The following PPFIA1 variants were observed in gnomAD, a reference collection of about 807,000 sequenced individuals.
PPFIA1 encodes PPFI scaffold protein A1.
PPFIA1 carries 25 observed loss-of-function variants against 149.9 expected under a neutral mutation model. The ratio of observed to expected loss-of-function variants is 0.17; its 90% confidence interval spans 0.12 to 0.23. The LOEUF (loss-of-function observed/expected upper bound fraction) is 0.23, where lower values mean the gene tolerates loss of function less well. Among genes scored for constraint, PPFIA1 ranks in the 10% least tolerant of loss-of-function variants. The probability of loss-of-function intolerance (pLI) is 1.00; values close to 1 mark genes in which losing one functional copy is unlikely to be tolerated. For missense variants in PPFIA1, 1,362 were observed against 1,506.5 expected, an observed-to-expected ratio of 0.90 and a Z score of 1.59; for synonymous variants, 549 against 552.8, an observed-to-expected ratio of 0.99 and a Z score of 0.10.
rs2057772611 is a variant in PPFIA1 at position 70,383,179 on chromosome 11, A to G, written c.*189A>G. On this transcript the variant is annotated 3_prime_UTR_variant, in exon 28 of 28. Coordinates refer to ENST00000253925, the MANE Select transcript of PPFIA1 (RefSeq NM_003626.5). ...ATGAATACCATAGAGAAAATATTTTAGAATTTAATGTTTCTTATATTTATG... is the reference window on the plus strand; with the variant it reads ...ATGAATACCATAGAGAAAATATTTTGGAATTTAATGTTTCTTATATTTATG... 5.9e-6 allele frequency: 2 copies of G among 340,226 alleles called. No homozygotes were observed. The highest frequency in any genetic ancestry group is 2.3e-5 in the African/African-American group (1 of 43,234). The allele number at this position is 340,226 out of a possible 1,614,324, so 21.1% of individuals were successfully genotyped here.
At chr11:70,351,507 T>C (rs2056054098) in intron 16 of PPFIA1, among the ~76,000 whole-genome samples, 1 of 152,160 alleles carries the variant, frequency 6.6e-6, no homozygotes, top group Non-Finnish European at 1.5e-5. Flanking sequence ...TTGTTTAAAT[T>C]TTGAAATATT....
chr11:70,372,391 G>A lies in PPFIA1; in HGVS notation c.3041+1G>A. The A allele has an allele frequency of 6.2e-7, 1 of 1,614,062 alleles. No homozygotes were observed. The highest frequency in any genetic ancestry group is 8.5e-7 in the Non-Finnish European group (1 of 1,179,962). ...TGAAAATGGTCGACAGTTTTCACAGGTAACTTAATGGAGATAGTTCTTAAT... is the reference window on the plus strand; with the variant it reads ...TGAAAATGGTCGACAGTTTTCACAGATAACTTAATGGAGATAGTTCTTAAT... On this transcript the variant is annotated splice_donor_variant, in intron 22 of 27. Coordinates refer to ENST00000253925, the MANE Select transcript of PPFIA1 (RefSeq NM_003626.5). LOFTEE classifies it high-confidence loss of function.
intron 21 of PPFIA1, among the ~76,000 whole-genome samples, chr11:70,368,529 G>A (rs2057070168): frequency 1.3e-5 from 2 of 152,102 alleles, no homozygotes; most frequent in Non-Finnish European, 2.9e-5. Context: ...ACCTTCCTTC[G>A]ATATGTGTGT....
At chr11:70,298,634 C>T (rs957341110) in intron 2 of PPFIA1, among the ~76,000 whole-genome samples, 2 of 152,224 alleles carry the variant, frequency 1.3e-5, no homozygotes, top group South Asian at 4.1e-4. Flanking sequence ...CCAGGCTGAT[C>T]TGTCCCACGG....
At chr11:70,337,279 C>CTT (rs879535446) in intron 11 of PPFIA1, 86 bp from the exon 12 acceptor site, 54 of 767,784 alleles carry the variant, frequency 7.0e-5, no homozygotes, top group African/African-American at 1.9e-4. Context: ...TTGTGTGGTC[C>CTT]TTTTTTTTTT....
intron 2 of PPFIA1, among the ~76,000 whole-genome samples, chr11:70,278,517 C>T (rs577205484): frequency 2.0e-5 from 3 of 152,128 alleles, no homozygotes; most frequent in Non-Finnish European, 4.4e-5. Flanking sequence ...ATTTTCCCCT[C>T]TGGTTGCTTT....
At chr11:70,285,588 G>T (rs2051056126) in intron 2 of PPFIA1, among the ~76,000 whole-genome samples, 1 of 151,228 alleles carries the variant, frequency 6.6e-6, no homozygotes, top group African/African-American at 2.4e-5. Flanking sequence ...TCTGAGGCAG[G>T]AGAATCGCTT....
chr11:70,287,147 C>CG (rs1342766745), intron 2 of PPFIA1, among the ~76,000 whole-genome samples: 1 of 151,884 alleles, frequency 6.6e-6, no homozygotes, highest in Non-Finnish European at 1.5e-5. Context: ...GCCACCACGC[C>CG]GGGCCAAGAT....
chr11:70,367,016 T>G lies in PPFIA1; in HGVS notation c.2865+4528T>G, dbSNP rs540785575. Reference sequence around the variant, plus strand: ...GGACCAATAATGACCATAAATGAATTATACAGGGTACATTTCATAATTACT... The same window carrying G: ...GGACCAATAATGACCATAAATGAATGATACAGGGTACATTTCATAATTACT... On this transcript the variant is annotated intron_variant, in intron 21 of 27. Coordinates refer to ENST00000253925, the MANE Select transcript of PPFIA1 (RefSeq NM_003626.5). 6.0e-4 allele frequency among the ~76,000 whole-genome samples: 92 copies of G among 152,350 alleles called. No homozygotes were observed. The South Asian group carries it at 7.5e-3, about 12-fold the overall frequency.
chr11:70,321,812 G>C (rs535189840), intron 2 of PPFIA1, among the ~76,000 whole-genome samples: 73 of 152,320 alleles, frequency 4.8e-4, no homozygotes, highest in African/African-American at 1.8e-3. Context: ...AATTCAGGCA[G>C]GCCTGTAGCC....
At position 70,270,799 on chromosome 11, in the gene PPFIA1, CG is replaced by C. The variant is rs2050021850; in HGVS notation, c.-113del. On this transcript the variant is annotated 5_prime_UTR_variant, in exon 1 of 28. Transcript: ENST00000253925. ...CGGGCCCCGGGGCCGCGGCGTGGGGCGGGCAGGCGGACGCCGGCCGCGGGCT... is the reference window on the plus strand; with the variant it reads ...CGGGCCCCGGGGCCGCGGCGTGGGGCGGCAGGCGGACGCCGGCCGCGGGCT... 6.7e-6 allele frequency: 1 copy of C among 149,872 alleles called. No homozygotes were observed. The highest frequency in any genetic ancestry group is 2.4e-5 in the African/African-American group (1 of 41,134). 9.3% of individuals were successfully genotyped at this position (149,872 alleles called of 1,614,324 possible).
chr11:70,374,781 G>A (rs775108617), intron 23 of PPFIA1, 137 bp from the exon 24 acceptor site: 1 of 707,402 alleles, frequency 1.4e-6, no homozygotes, highest in Non-Finnish European at 2.3e-6. Flanking sequence ...TGTCTATTTA[G>A]CAGTGTCTCC....
intron 21 of PPFIA1, among the ~76,000 whole-genome samples, chr11:70,370,310 C>T (rs937223812): frequency 2.6e-5 from 4 of 151,976 alleles, no homozygotes; most frequent in Non-Finnish European, 4.4e-5. Context: ...TTTCTGTTTT[C>T]TGTTTCATTG....
rs536693100 is a variant in PPFIA1 at position 70,304,037 on chromosome 11, G to A, written c.265-20365G>A. On this transcript the variant is annotated intron_variant, in intron 2 of 27. Coordinates refer to ENST00000253925, the MANE Select transcript of PPFIA1 (RefSeq NM_003626.5). Reference sequence around the variant, plus strand: ...AAAAGACAAAAAAAAAAGAAAAAAGGAGTGGTCACTGGAAAGACCTAGGCA... The same window carrying A: ...AAAAGACAAAAAAAAAAGAAAAAAGAAGTGGTCACTGGAAAGACCTAGGCA... 5.3e-5 allele frequency among the ~76,000 whole-genome samples: 8 copies of A among 152,254 alleles called. No homozygotes were observed. The South Asian group carries it at 1.5e-3, about 28-fold the overall frequency.
At chr11:70,313,579 C>T (rs995598634) in intron 2 of PPFIA1, among the ~76,000 whole-genome samples, 7 of 151,944 alleles carry the variant, frequency 4.6e-5, no homozygotes, top group African/African-American at 1.7e-4. Context: ...TGTGTGAGGG[C>T]GAATGAGGGG....
chr11:70,331,790 A>G (rs1422473386), intron 8 of PPFIA1, among the ~76,000 whole-genome samples, 170 bp from the exon 9 acceptor site: 2 of 148,358 alleles, frequency 1.3e-5, no homozygotes, highest in African/African-American at 5.2e-5. Context: ...AAAAACAAAA[A>G]CAAAAACAAA....
intron 21 of PPFIA1, among the ~76,000 whole-genome samples, chr11:70,363,558 G>C (rs560200948): frequency 6.6e-6 from 1 of 152,262 alleles, no homozygotes; most frequent in African/African-American, 2.4e-5. Flanking sequence ...CTGTCACCCA[G>C]GCTGGAGTGC....
At chr11:70,314,803 C>T (rs1025190855) in intron 2 of PPFIA1, among the ~76,000 whole-genome samples, 1 of 152,078 alleles carries the variant, frequency 6.6e-6, no homozygotes, top group Non-Finnish European at 1.5e-5. Flanking sequence ...TTGTATTAGT[C>T]CGTTCTCACA....
At position 70,348,245 on chromosome 11, in the gene PPFIA1, G is replaced by A. The variant is rs778493654; in HGVS notation, c.1988G>A (p.Arg663Gln). Residue 663 changes from arginine (R) to glutamine (Q), a missense_variant, in exon 16 of 28, where the codon CGA (arginine) becomes CAA (glutamine). Physicochemically the swap from Arg to Gln is conservative, Grantham distance 43. Around this residue, in one of 7 missense-constraint regions of PPFIA1, gnomAD observed 733 missense variants for 744.1 expected, o/e 0.99. Coordinates refer to ENST00000253925, the MANE Select transcript of PPFIA1 (RefSeq NM_003626.5). ...CAGCGGGCAGAGGAGATTGAAAGTC[G>A]AGTTGGCAGTGGAAGTCTAGACAAT... Reference protein sequence around the residue: ...TEQRAEEIESRVGSGSLDNLG... With the variant: ...TEQRAEEIESQVGSGSLDNLG... 12 of 1,614,080 alleles carry A rather than the reference G, an allele frequency of 7.4e-6. No individual in the cohort carries two copies. The African/African-American group carries it at 1.3e-4, about 18-fold the overall frequency.
Sources: gnomAD v4.1 joint callset for allele counts (sites outside exome capture counted in the v4.1 genomes callset) on GRCh38, gnomAD v4.1.1 for gene constraint, gnomAD v4.1.1 regional missense constraint, MANE v1.5 for transcripts, NCBI Gene and HGNC (gene_info 2026-07-23, HGNC 2026-07-21) for gene names.